PCDHGA5: variants seen among roughly 807,000 people sequenced by gnomAD.
PCDHGA5 encodes the protein protocadherin gamma-A5.
A neutral mutation model predicts 56.7 loss-of-function variants in PCDHGA5; 36 were observed. That is an observed-to-expected ratio of 0.64 (90% CI 0.49 to 0.84). The LOEUF is 0.84. Ranked by LOEUF, PCDHGA5 falls within the 40% of genes least tolerant of loss-of-function variation. PCDHGA5 has a pLI of 0.00. For synonymous variants in PCDHGA5, 563 were observed against 520.2 expected, an observed-to-expected ratio of 1.08 and a Z score of -1.12; for missense variants, 1,305 against 1,201.5, an observed-to-expected ratio of 1.09 and a Z score of -1.27.
rs2095943632 is a variant in PCDHGA5 at position 141,415,767 on chromosome 5, TTTTTTACTTTC to T, written c.2421+49018_2421+49028del. ...TTTTTTTTTTTTTTTTTTTTTTTTT[TTTTTTACTTTC>T]TGGTAAAATTCACCTAGTCTCAATC... is the stretch of plus-strand genomic sequence containing the variant. On this transcript the variant is annotated intron_variant, in intron 1 of 3. Transcript: ENST00000518069. 3.1e-6 allele frequency: 4 copies of T among 1,300,754 alleles called. No individual in the cohort carries two copies. The Admixed American group carries it at 1.4e-4, about 46-fold the overall frequency. The allele number at this position is 1,300,754 out of a possible 1,614,324, so 80.6% of individuals were successfully genotyped here.
At chr5:141,423,773 T>A in intron 1 of PCDHGA5, 6 of 901,238 alleles carry the variant, frequency 6.7e-6, no homozygotes, top group Non-Finnish European at 7.3e-6. Flanking sequence ...GGGCGGCATA[T>A]ATTTAGTTCA....
At chr5:141,382,585 A>C (rs543954739) in intron 1 of PCDHGA5, among the ~76,000 whole-genome samples, 8 of 152,250 alleles carry the variant, frequency 5.3e-5, no homozygotes, top group Non-Finnish European at 1.0e-4. Context: ...GGAAATTTTG[A>C]AAGATGAAAC....
chr5:141,377,672 C>G (rs529772336), intron 1 of PCDHGA5: 1 of 151,784 alleles, frequency 6.6e-6, no homozygotes, highest in East Asian at 1.9e-4. Context: ...GACGTTCATA[C>G]AAGAGATCTT....
chr5:141,440,330 G>A (rs1377511406), intron 1 of PCDHGA5: 1 of 152,162 alleles, frequency 6.6e-6, no homozygotes, highest in Non-Finnish European at 1.5e-5. Context: ...ACTGGGCATG[G>A]TGGTGCAGGC....
At chr5:141,384,259 C>A in intron 1 of PCDHGA5, 1 of 1,613,886 alleles carries the variant, frequency 6.2e-7, no homozygotes, top group Non-Finnish European at 8.5e-7. Flanking sequence ...CACCTTCCCC[C>A]ACTCATCCTA....
rs765751691 is a variant in PCDHGA5 at position 141,431,363 on chromosome 5, C to G, written c.2422-63444C>G. The G allele has an allele frequency of 6.2e-7, 1 of 1,614,024 alleles. No individual in the cohort carries two copies. The highest frequency in any genetic ancestry group is 2.2e-5 in the East Asian group (1 of 44,882). ...ATTGGTGCTGAAACGCGCCCTGGAC[C>G]GCGAAGAAAAGGCTGCTCACCACCT... is the stretch of plus-strand genomic sequence containing the variant. On this transcript the variant is annotated intron_variant, in intron 1 of 3. Transcript: ENST00000518069. This position sits in a 1 kb window ranked among gnomAD's most constrained non-coding sequence, Gnocchi z 4.8.
intron 1 of PCDHGA5, chr5:141,383,333 A>G: frequency 6.2e-7 from 1 of 1,614,006 alleles, no homozygotes; most frequent in South Asian, 1.1e-5. Context: ...ATAATGGAGA[A>G]TACAGCTCCT....
chr5:141,466,809 CA>C (rs1454424644), intron 1 of PCDHGA5, among the ~76,000 whole-genome samples: 1 of 152,102 alleles, frequency 6.6e-6, no homozygotes, highest in Non-Finnish European at 1.5e-5. Flanking sequence ...CCTATTCAGA[CA>C]TGGTATAACA....
chr5:141,497,031 A>G (rs898409925), intron 2 of PCDHGA5, among the ~76,000 whole-genome samples: 14 of 152,184 alleles, frequency 9.2e-5, no homozygotes, highest in African/African-American at 3.4e-4. Context: ...TCGATTAAAA[A>G]TACAAAAATT....
At chr5:141,375,155 G>T in intron 1 of PCDHGA5, 1 of 1,613,962 alleles carries the variant, frequency 6.2e-7, no homozygotes, top group South Asian at 1.1e-5. Context: ...AACAATTGCT[G>T]AAAGTGCACC....
At chr5:141,403,565 G>A in intron 1 of PCDHGA5, 8 of 1,613,952 alleles carry the variant, frequency 5.0e-6, no homozygotes, top group Non-Finnish European at 6.8e-6. Context: ...CAGGGAGGAG[G>A]CAACTGCCCA....
chr5:141,423,887 T>C, intron 1 of PCDHGA5: 2 of 1,282,240 alleles, frequency 1.6e-6, no homozygotes, highest in Non-Finnish European at 2.0e-6. Context: ...CTTGGCATAT[T>C]TTCTTTTGAT....
At position 141,365,528 on chromosome 5, in the gene PCDHGA5, A is replaced by G; in HGVS notation, c.1198A>G (p.Asn400Asp). 2 of 1,613,854 alleles carry G rather than the reference A, an allele frequency of 1.2e-6. No individual in the cohort carries two copies. Among genetic ancestry groups the G allele is most frequent in the Non-Finnish European group, 1.7e-6 (2 of 1,179,882 alleles). The change falls in exon 1 of 4, where the codon AAT (asparagine) becomes GAT (aspartate). Residue 400 changes from asparagine to aspartate, a missense_variant. Coordinates refer to ENST00000518069, the MANE Select transcript of PCDHGA5 (RefSeq NM_018918.3). The stretch of plus-strand genomic sequence containing the variant: ...TTTTAAATTGGAGAAGTCAGTTGAT[A>G]ATTACTATCACCTATTAACAACTAG... ...LPFKLEKSVD[N>D]YYHLLTTRDL...
chr5:141,438,597 T>C (rs1343540280), intron 1 of PCDHGA5, among the ~76,000 whole-genome samples: 20 of 38,918 alleles, frequency 5.1e-4, no homozygotes, highest in African/African-American at 1.6e-3. Flanking sequence ...CATACATATA[T>C]ATATATATAT....
chr5:141,420,287 A>C, intron 1 of PCDHGA5: 1 of 1,498,884 alleles, frequency 6.7e-7, no homozygotes, highest in African/African-American at 1.4e-5. Context: ...AAGTATTTAA[A>C]AATGTATTTA....
At chr5:141,376,441 G>C in intron 1 of PCDHGA5, 3 of 1,614,206 alleles carry the variant, frequency 1.9e-6, no homozygotes, top group Non-Finnish European at 2.5e-6. Flanking sequence ...AGAGCTATGA[G>C]AAAAGCGAGC....
intron 1 of PCDHGA5, chr5:141,413,963 C>T (rs1368202031): frequency 6.8e-6 from 11 of 1,613,446 alleles, no homozygotes; most frequent in Non-Finnish European, 9.3e-6. Context: ...CCTGTGGGCA[C>T]TCAGCTGCTG....
At chr5:141,391,884 G>C (rs1192403353) in intron 1 of PCDHGA5, 1 of 152,128 alleles carries the variant, frequency 6.6e-6, no homozygotes, top group East Asian at 1.9e-4. Flanking sequence ...TTGGTGAAAG[G>C]GATGGGATGG....
chr5:141,437,217 T>G (rs2097868672), intron 1 of PCDHGA5, among the ~76,000 whole-genome samples: 1 of 152,230 alleles, frequency 6.6e-6, no homozygotes, highest in Admixed American at 6.5e-5. Flanking sequence ...TTATTCTGAT[T>G]CCAGTCATAA....
Sources: gnomAD v4.1 joint callset for allele counts (sites outside exome capture counted in the v4.1 genomes callset) on GRCh38, gnomAD v4.1.1 for gene constraint, Gnocchi (gnomAD v3.1) non-coding constraint, MANE v1.5 for transcripts, NCBI Gene and HGNC (gene_info 2026-07-23, HGNC 2026-07-21) for gene names.